Variants in SUPT3H observed in about 807,000 individuals in gnomAD.
The protein encoded by SUPT3H is SPT3 homolog, SAGA and STAGA complex component, also known as transcription initiation protein SPT3 homolog.
In SUPT3H, 44 loss-of-function variants were observed where a neutral mutation model predicts 44.3. The ratio of observed to expected loss-of-function variants is 0.99; its 90% CI spans 0.78 to 1.28. SUPT3H has a LOEUF of 1.28. Among genes scored for constraint, SUPT3H ranks in the 50% most tolerant of loss-of-function variants. The pLI is 0.00. For synonymous variants in SUPT3H, 124 were observed against 125.6 expected, an observed-to-expected ratio of 0.99 and a Z score of 0.09; for missense variants, 380 against 387.1, an observed-to-expected ratio of 0.98 and a Z score of 0.15.
chr6:45,102,323 G>C (rs1798695224), intron 3 of SUPT3H, among the ~76,000 whole-genome samples: 1 of 152,018 alleles, frequency 6.6e-6, no homozygotes, highest in Non-Finnish European at 1.5e-5. Flanking sequence ...AAGTTTAAGA[G>C]AGACACAAAA....
chr6:44,883,054 A>T, intron 10 of SUPT3H, among the ~76,000 whole-genome samples: 1 of 152,206 alleles, frequency 6.6e-6, no homozygotes, highest in Non-Finnish European at 1.5e-5. Flanking sequence ...GGCAAGAGAA[A>T]GAAATAAATG....
chr6:45,303,040 T>C (rs1217326575), intron 2 of SUPT3H, among the ~76,000 whole-genome samples: 2 of 152,034 alleles, frequency 1.3e-5, no homozygotes, highest in Non-Finnish European at 2.9e-5. Context: ...ATTGAACAAA[T>C]GGTGTTGGGA....
chr6:45,013,642 T>C (rs1783815516), intron 5 of SUPT3H, among the ~76,000 whole-genome samples: 1 of 152,058 alleles, frequency 6.6e-6, no homozygotes. Flanking sequence ...ATGTCTGAGG[T>C]AGAGCTTTTA....
chr6:44,921,488 C>T (rs565288034), intron 10 of SUPT3H, among the ~76,000 whole-genome samples: 4 of 152,270 alleles, frequency 2.6e-5, no homozygotes, highest in African/African-American at 9.6e-5. Context: ...AGTTAGGTCA[C>T]CAACATGAAG....
intron 2 of SUPT3H, among the ~76,000 whole-genome samples, chr6:45,286,788 C>T (rs1003179365): frequency 3.3e-5 from 5 of 152,208 alleles, no homozygotes; most frequent in African/African-American, 9.7e-5. Context: ...AAGACACATG[C>T]ACACGTATGT....
At chr6:44,902,339 C>T (rs767287948) in intron 10 of SUPT3H, among the ~76,000 whole-genome samples, 2 of 151,958 alleles carry the variant, frequency 1.3e-5, no homozygotes, top group African/African-American at 4.8e-5. Context: ...ATCTACCAAG[C>T]AAATGGAAAA....
At chr6:44,923,853 C>T (rs917601965) in intron 10 of SUPT3H, among the ~76,000 whole-genome samples, 34 of 151,876 alleles carry the variant, frequency 2.2e-4, no homozygotes, top group Non-Finnish European at 3.5e-4. Context: ...AAACAATAAA[C>T]AATTTTATAA....
At chr6:45,105,390 A>G (rs893133822) in intron 3 of SUPT3H, among the ~76,000 whole-genome samples, 3 of 152,166 alleles carry the variant, frequency 2.0e-5, no homozygotes, top group South Asian at 2.1e-4. Context: ...CCACTGCAAT[A>G]AAGTGAGTCA....
intron 3 of SUPT3H, among the ~76,000 whole-genome samples, chr6:45,035,941 T>A (rs1226263470): frequency 6.6e-6 from 1 of 151,782 alleles, no homozygotes; most frequent in Non-Finnish European, 1.5e-5. Flanking sequence ...GAAGAATCAA[T>A]TCAAGAAAAT....
chr6:45,258,535 T>A (rs561006356), intron 2 of SUPT3H, among the ~76,000 whole-genome samples: 1 of 152,342 alleles, frequency 6.6e-6, no homozygotes, highest in East Asian at 1.9e-4. Flanking sequence ...TAAGAAAAGT[T>A]ACCAGATTTA....
intron 2 of SUPT3H, chr6:45,328,708 GA>G (rs748951752): frequency 2.1e-5 from 33 of 1,598,904 alleles, no homozygotes; most frequent in South Asian, 1.9e-4. Flanking sequence ...AGTTCTATCT[GA>G]AAAAAAAAGG....
At chr6:44,920,565 CA>C (rs5875898) in intron 10 of SUPT3H, among the ~76,000 whole-genome samples, 33,003 of 113,496 alleles carry the variant, frequency 0.29, 3,206 homozygotes, top group Admixed American at 0.36. Flanking sequence ...TTGTTTCTTT[CA>C]AAAAAAAAAA....
chr6:45,098,412 G>A lies in SUPT3H; in HGVS notation c.186+7510C>T, dbSNP rs981591041. 8 of 170,242 alleles carry A rather than the reference G, an allele frequency of 4.7e-5. No individual in the cohort carries two copies. In the East Asian group the frequency reaches 1.3e-3, roughly 27 times the overall value. 10.5% of individuals were successfully genotyped at this position (170,242 alleles called of 1,614,324 possible). ...CAGGGATTTCTAGCTCTGATGGAACGTGGCCAGTTTGCCTGCTGGGGAAAA... is the reference window on the plus strand; with the variant it reads ...CAGGGATTTCTAGCTCTGATGGAACATGGCCAGTTTGCCTGCTGGGGAAAA... On this transcript the variant is annotated intron_variant, in intron 3 of 10. Coordinates refer to ENST00000371459, the MANE Select transcript of SUPT3H (RefSeq NM_003599.4).
intron 10 of SUPT3H, among the ~76,000 whole-genome samples, chr6:44,889,457 G>A (rs147735577): frequency 1.7e-3 from 253 of 152,190 alleles, no homozygotes; most frequent in African/African-American, 5.8e-3. Context: ...AAATAACACC[G>A]CATATCTGCA....
intron 2 of SUPT3H, among the ~76,000 whole-genome samples, chr6:45,304,315 A>C (rs914207217): frequency 6.6e-6 from 1 of 152,202 alleles, no homozygotes; most frequent in African/African-American, 2.4e-5. Context: ...CAAATTATAG[A>C]GGTCTAATTT....
At chr6:44,839,367 G>A (rs1413703448) in intron 10 of SUPT3H, among the ~76,000 whole-genome samples, 1 of 151,678 alleles carries the variant, frequency 6.6e-6, no homozygotes, top group African/African-American at 2.4e-5. Context: ...GTGATGTGGT[G>A]TGATCATGGC....
At chr6:44,841,487 T>G (rs1474904004) in intron 10 of SUPT3H, among the ~76,000 whole-genome samples, 5 of 152,274 alleles carry the variant, frequency 3.3e-5, no homozygotes, top group Non-Finnish European at 7.4e-5. Context: ...ACATAGGAGG[T>G]GCTGTACTTC....
chr6:45,367,453 C>A (rs569711801), intron 1 of SUPT3H, among the ~76,000 whole-genome samples: 55 of 151,000 alleles, frequency 3.6e-4, no homozygotes, highest in African/African-American at 1.3e-3. Context: ...ATTTGAGACT[C>A]GGATTAAAAA....
intron 2 of SUPT3H, among the ~76,000 whole-genome samples, chr6:45,230,662 C>CTATATATATATATATATATATATA (rs66480751): frequency 1.0e-4 from 7 of 68,744 alleles, no homozygotes; most frequent in East Asian, 4.3e-4. Flanking sequence ...TTCATTCAGT[C>CTATATATATATATATATATATATA]TATATATATA....
Sources: gnomAD v4.1 joint callset for allele counts (sites outside exome capture counted in the v4.1 genomes callset) on GRCh38, gnomAD v4.1.1 for gene constraint, MANE v1.5 for transcripts, NCBI Gene and HGNC (gene_info 2026-07-23, HGNC 2026-07-21) for gene names.